Variants in ZCWPW2 observed in about 807,000 individuals in gnomAD.
ZCWPW2 encodes zinc finger CW-type and PWWP domain containing 2, also known as zinc finger CW-type PWWP domain protein 2.
Under a neutral mutation model 46.6 loss-of-function variants are expected in ZCWPW2, and 45 were observed. The observed-to-expected ratio is 0.96, with a 90% CI of 0.76 to 1.24. The LOEUF (loss-of-function observed/expected upper bound fraction) is 1.24. ZCWPW2 is among the 50% of genes most tolerant of loss of function. ZCWPW2 has a pLI of 0.00. For synonymous variants in ZCWPW2, 152 were observed against 137.1 expected (o/e 1.11, Z -0.76); for missense variants, 429 against 403.9 (o/e 1.06, Z -0.53).
At chr3:28,459,747 CTG>C (rs1359140876) in intron 4 of ZCWPW2, among the ~76,000 whole-genome samples, 1 of 152,120 alleles carries the variant, frequency 6.6e-6, no homozygotes, top group African/African-American at 2.4e-5. Flanking sequence ...GTCTATCACA[CTG>C]TATGACTGGC....
At chr3:28,475,642 C>T (rs749739375) in intron 4 of ZCWPW2, among the ~76,000 whole-genome samples, 94 of 152,162 alleles carry the variant, frequency 6.2e-4, no homozygotes, top group Non-Finnish European at 1.0e-3. Flanking sequence ...TCTCTCTCTT[C>T]ATCGTTTAGA....
At chr3:28,520,057 T>C (rs1575234720) in intron 8 of ZCWPW2, among the ~76,000 whole-genome samples, 1 of 149,814 alleles carries the variant, frequency 6.7e-6, no homozygotes, top group South Asian at 2.1e-4. Context: ...CAAGCTGGAG[T>C]GCAGTGGTGT....
chr3:28,509,278 A>G (rs138527381), intron 6 of ZCWPW2, among the ~76,000 whole-genome samples: 17 of 152,288 alleles, frequency 1.1e-4, no homozygotes, highest in African/African-American at 3.4e-4. Context: ...AAATAATGCC[A>G]TTATGAACAA....
chr3:28,391,980 T>G (rs980135811), intron 2 of ZCWPW2, among the ~76,000 whole-genome samples: 1 of 152,106 alleles, frequency 6.6e-6, no homozygotes, highest in Non-Finnish European at 1.5e-5. Context: ...TATTTACCCA[T>G]CAATAATTAC....
intron 1 of ZCWPW2, among the ~76,000 whole-genome samples, chr3:28,372,120 G>A (rs1273489593): frequency 6.6e-6 from 1 of 151,600 alleles, no homozygotes; most frequent in African/African-American, 2.4e-5. Context: ...GTTCTTGGCA[G>A]AATGGTTCCA....
chr3:28,496,226 AG>A (rs1205561916), intron 6 of ZCWPW2, among the ~76,000 whole-genome samples: 4 of 152,206 alleles, frequency 2.6e-5, no homozygotes, highest in Non-Finnish European at 4.4e-5. Context: ...GATATGTAAC[AG>A]GAAATTTGAG....
At chr3:28,401,811 C>T (rs1188670344) in intron 2 of ZCWPW2, among the ~76,000 whole-genome samples, 1 of 151,958 alleles carries the variant, frequency 6.6e-6, no homozygotes, top group Non-Finnish European at 1.5e-5. Context: ...AAATAACCTG[C>T]TCCTGAATGA....
At chr3:28,398,713 C>T (rs1425647535) in intron 2 of ZCWPW2, among the ~76,000 whole-genome samples, 5 of 152,142 alleles carry the variant, frequency 3.3e-5, no homozygotes, top group African/African-American at 1.2e-4. Flanking sequence ...AGATGCCGTC[C>T]TTACCTGGAG....
chr3:28,440,962 T>C (rs1415659614), intron 4 of ZCWPW2, among the ~76,000 whole-genome samples: 6 of 152,144 alleles, frequency 3.9e-5, no homozygotes, highest in Non-Finnish European at 8.8e-5. Flanking sequence ...TCAGTGTTGG[T>C]CTCTGCTGCT....
chr3:28,354,254 G>T (rs1434591915), intron 1 of ZCWPW2, among the ~76,000 whole-genome samples: 2 of 151,692 alleles, frequency 1.3e-5, no homozygotes, highest in Non-Finnish European at 2.9e-5. Flanking sequence ...AGAAAATCTA[G>T]AAGAAATGGA....
chr3:28,509,865 G>T (rs369967069), intron 6 of ZCWPW2, among the ~76,000 whole-genome samples: 1 of 151,962 alleles, frequency 6.6e-6, no homozygotes, highest in African/African-American at 2.4e-5. Flanking sequence ...TGTGTTTCTG[G>T]TGTCATAGCT....
intron 1 of ZCWPW2, among the ~76,000 whole-genome samples, chr3:28,375,286 C>A (rs950350213): frequency 6.6e-6 from 1 of 151,584 alleles, no homozygotes; most frequent in Non-Finnish European, 1.5e-5. Context: ...GATCATGTTT[C>A]TTTATTAATT....
chr3:28,499,001 T>C (rs1700073802), intron 6 of ZCWPW2, among the ~76,000 whole-genome samples: 1 of 152,192 alleles, frequency 6.6e-6, no homozygotes, highest in South Asian at 2.1e-4. Flanking sequence ...GGCTGCATAG[T>C]ATTCCATGGT....
chr3:28,364,153 A>G (rs1705037577), intron 1 of ZCWPW2, among the ~76,000 whole-genome samples: 2 of 152,330 alleles, frequency 1.3e-5, no homozygotes, highest in African/African-American at 4.8e-5. Context: ...ATGTGGAATG[A>G]CAGAAACTTT....
At chr3:28,364,540 A>G (rs1705055122) in intron 1 of ZCWPW2, among the ~76,000 whole-genome samples, 2 of 152,140 alleles carry the variant, frequency 1.3e-5, no homozygotes, top group Non-Finnish European at 1.5e-5. Context: ...ACTGTTTTTC[A>G]TACTGATTGT....
chr3:28,392,444 T>C (rs1349745191), intron 2 of ZCWPW2, among the ~76,000 whole-genome samples: 14 of 152,186 alleles, frequency 9.2e-5, no homozygotes, highest in Non-Finnish European at 4.4e-5. Context: ...ACTGAACTTA[T>C]ACTACACTTT....
intron 4 of ZCWPW2, among the ~76,000 whole-genome samples, chr3:28,443,690 G>A (rs1697862570): frequency 6.6e-6 from 1 of 152,126 alleles, no homozygotes; most frequent in Non-Finnish European, 1.5e-5. Context: ...TGCCACCTTG[G>A]GATCCAATGA....
intron 1 of ZCWPW2, among the ~76,000 whole-genome samples, chr3:28,352,318 G>A (rs1033679013): frequency 3.9e-5 from 6 of 152,212 alleles, no homozygotes; most frequent in African/African-American, 1.4e-4. Context: ...TTTCCCGGGG[G>A]GGTTATATAG....
intron 1 of ZCWPW2, among the ~76,000 whole-genome samples, chr3:28,371,395 A>C (rs538506335): frequency 6.6e-6 from 1 of 152,304 alleles, no homozygotes; most frequent in South Asian, 2.1e-4. Flanking sequence ...TGGATAGAAA[A>C]TTACTGGGAG....
Sources: gnomAD v4.1 joint callset for allele counts (sites outside exome capture counted in the v4.1 genomes callset) on GRCh38, gnomAD v4.1.1 for gene constraint, MANE v1.5 for transcripts, NCBI Gene and HGNC (gene_info 2026-07-23, HGNC 2026-07-21) for gene names.